Variants in MAPK9 observed in about 807,000 individuals in gnomAD.
The protein encoded by MAPK9 is mitogen-activated protein kinase 9, also known as Jun kinase.
In MAPK9, 30 loss-of-function variants were observed where a neutral mutation model predicts 57.1. The observed-to-expected ratio is 0.53, with a 90% CI of 0.39 to 0.71. The LOEUF is 0.71. Among genes scored for constraint, MAPK9 ranks in the 30% least tolerant of loss-of-function variants. The pLI is 0.00. For synonymous variants in MAPK9, 155 were observed against 177.0 expected, an observed-to-expected ratio of 0.88 and a Z score of 0.99; for missense variants, 362 against 521.0, an observed-to-expected ratio of 0.69 and a Z score of 2.97.
intron 7 of MAPK9, among the ~76,000 whole-genome samples, chr5:180,245,498 T>C (rs1395212342): frequency 1.3e-5 from 2 of 152,038 alleles, no homozygotes; most frequent in African/African-American, 2.4e-5. Context: ...ATTAAACCAG[T>C]TGTGAGAGGA....
intron 5 of MAPK9, among the ~76,000 whole-genome samples, chr5:180,260,197 T>TA (rs896792890): frequency 6.6e-6 from 1 of 152,200 alleles, no homozygotes; most frequent in African/African-American, 2.4e-5. Flanking sequence ...AACTCATTTC[T>TA]AAAAAACCCT....
chr5:180,288,622 C>G (rs560913421), intron 1 of MAPK9, among the ~76,000 whole-genome samples: 61 of 152,318 alleles, frequency 4.0e-4, no homozygotes, highest in African/African-American at 1.3e-3. Context: ...CCCAGATAAG[C>G]AGCAGACCCA....
intron 2 of MAPK9, among the ~76,000 whole-genome samples, chr5:180,275,108 C>T (rs1266173927): frequency 6.6e-6 from 1 of 152,118 alleles, no homozygotes; most frequent in Non-Finnish European, 1.5e-5. Flanking sequence ...ATGCCAATAT[C>T]TCCTATGGAT....
intron 5 of MAPK9, among the ~76,000 whole-genome samples, chr5:180,250,940 T>A (rs17683933): frequency 2.6e-5 from 4 of 152,108 alleles, no homozygotes; most frequent in Non-Finnish European, 4.4e-5. Context: ...GTCAGGGAGC[T>A]AAGACCAAAT....
chr5:180,246,472 A>C (rs1359400905), intron 7 of MAPK9: 1 of 152,228 alleles, frequency 6.6e-6, no homozygotes. Context: ...TTAAAATCTG[A>C]AATTATTTTC....
intron 1 of MAPK9, among the ~76,000 whole-genome samples, chr5:180,291,563 G>C (rs1421831854): frequency 1.3e-5 from 2 of 152,118 alleles, no homozygotes; most frequent in East Asian, 3.9e-4. Context: ...CGGCGCAGGA[G>C]TGCAGCTGTC....
At chr5:180,274,654 A>G (rs1255867687) in intron 2 of MAPK9, among the ~76,000 whole-genome samples, 1 of 152,234 alleles carries the variant, frequency 6.6e-6, no homozygotes, top group Non-Finnish European at 1.5e-5. Flanking sequence ...CTGTGAGCTG[A>G]GCCCAGCCCA....
chr5:180,270,301 C>T (rs1403246228), intron 2 of MAPK9, among the ~76,000 whole-genome samples: 1 of 152,096 alleles, frequency 6.6e-6, no homozygotes, highest in African/African-American at 2.4e-5. Flanking sequence ...AATGCTTTTG[C>T]CAAACTCGAA....
Position 180,247,339 on chromosome 5 carries a change from T to G in MAPK9, c.688+100A>C. On this transcript the variant is annotated intron_variant, in intron 7 of 11. Transcript: ENST00000452135. The surrounding 1 kb of genome is among the most constrained non-coding windows in gnomAD (Gnocchi z 4.5). ...CCCTTAGAACACAGTCTGGAGTGGA[T>G]TTTACGACTTTGTCCTCGTGAGCGC... 1.4e-6 allele frequency: 2 copies of G among 1,383,000 alleles called. No individual in the cohort carries two copies. The highest frequency in any genetic ancestry group is 1.2e-5 in the South Asian group (1 of 84,772). 85.7% of individuals were successfully genotyped at this position (1,383,000 alleles called of 1,614,324 possible). A position where few individuals can be genotyped will look rare whatever the true frequency, so the allele number is the denominator to read the frequency against.
At chr5:180,254,902 C>T (rs928404724) in intron 5 of MAPK9, among the ~76,000 whole-genome samples, 12 of 152,266 alleles carry the variant, frequency 7.9e-5, no homozygotes, top group East Asian at 1.9e-4. Context: ...GGCGTGGTGG[C>T]GGACGCCTGC....
chr5:180,255,431 C>G (rs764435855), intron 5 of MAPK9, among the ~76,000 whole-genome samples: 5 of 152,024 alleles, frequency 3.3e-5, no homozygotes, highest in Non-Finnish European at 7.4e-5. Flanking sequence ...AGGGCTGAGG[C>G]TTGGGAGAGG....
intron 5 of MAPK9, chr5:180,257,984 A>C (rs984115359): frequency 5.2e-5 from 8 of 153,606 alleles, no homozygotes; most frequent in African/African-American, 1.9e-4. Context: ...AAATGTAAAC[A>C]ATGTGAGAAA....
At position 180,269,413 on chromosome 5, in the gene MAPK9, G is replaced by C. The variant is rs763580553; in HGVS notation, c.123-4C>G. 5.6e-6 allele frequency: 9 copies of C among 1,613,260 alleles called. No homozygotes were observed. The highest frequency in any genetic ancestry group is 7.6e-6 in the Non-Finnish European group (9 of 1,179,446). ...AAGAACTGTATCAAATGCAGCACTA[G>C]AATTAGGAAATATAATGCACAATCC... On this transcript the variant is annotated splice_polypyrimidine_tract_variant and splice_region_variant and intron_variant, in intron 2 of 11. Coordinates refer to ENST00000452135, the MANE Select transcript of MAPK9 (RefSeq NM_002752.5).
intron 2 of MAPK9, 92 bp downstream of exon 2, chr5:180,280,348 T>A (rs958541204): frequency 3.4e-5 from 51 of 1,509,958 alleles, no homozygotes; most frequent in Middle Eastern, 1.8e-4. Flanking sequence ...GTTTTTTTTT[T>A]AATCATCAAT....
At chr5:180,267,121 G>A (rs1760644209) in intron 3 of MAPK9, among the ~76,000 whole-genome samples, 2 of 152,210 alleles carry the variant, frequency 1.3e-5, no homozygotes, top group South Asian at 4.1e-4. Context: ...ATGTACTTGT[G>A]CACATGTATG....
At chr5:180,265,214 CTT>C (rs1390773674) in intron 3 of MAPK9, among the ~76,000 whole-genome samples, 1 of 152,170 alleles carries the variant, frequency 6.6e-6, no homozygotes, top group African/African-American at 2.4e-5. Flanking sequence ...AGGCTAAGCT[CTT>C]GTTTTTGGTG....
At chr5:180,250,037 C>T (rs1176622894) in intron 5 of MAPK9, among the ~76,000 whole-genome samples, 3 of 152,252 alleles carry the variant, frequency 2.0e-5, no homozygotes, top group Admixed American at 6.5e-5. Context: ...TTCTCACCTT[C>T]GCCACAAAGA....
At position 180,234,037 on chromosome 5, in the gene MAPK9, G is replaced by C. The variant is rs929866122; in HGVS notation, c.*2347C>G. The C allele has an allele frequency of 7.9e-5, 12 of 152,320 alleles. No individual in the cohort carries two copies. Among genetic ancestry groups the C allele is most frequent in the Non-Finnish European group, 1.8e-4 (12 of 68,038 alleles). The allele number at this position is 152,320 out of a possible 1,614,324, so 9.4% of individuals were successfully genotyped here. A position where few individuals can be genotyped will look rare whatever the true frequency, so the allele number is the denominator to read the frequency against. On this transcript the variant is annotated 3_prime_UTR_variant, in exon 12 of 12. Transcript: ENST00000452135. The stretch of plus-strand genomic sequence containing the variant: ...CCCTTGAAACTGAGACCTGGACATG[G>C]GGGAGACAGTCGTTTCCTTCTTGGC...
chr5:180,241,151 A>C lies in MAPK9; in HGVS notation c.876T>G (p.Ser292Arg). The C allele has an allele frequency of 6.2e-7, 1 of 1,612,508 alleles. No homozygotes were observed. Among genetic ancestry groups the C allele is most frequent in the Non-Finnish European group, 8.5e-7 (1 of 1,179,382 alleles). The change falls in exon 9 of 12, where the codon AGT (serine) becomes AGG (arginine). Residue 292 changes from serine (S) to arginine (R), a missense_variant. Ser to Arg is a moderately radical substitution (Grantham distance 110, BLOSUM62 -1). This residue lies in a region of MAPK9 where 199 missense variants were observed against 251.3 expected (regional missense o/e 0.79). Transcript: ENST00000452135. Reference protein sequence around the residue: ...SESERDKIKTSQARDLLSKML... With the variant: ...SESERDKIKTRQARDLLSKML... ...TTTTTGATAACAGATCTCTGGCTTG[A>C]CTTGCTAGGGTGACAACAAATATTA... is the stretch of plus-strand genomic sequence containing the variant.
Sources: allele counts gnomAD v4.1 joint callset (sites outside exome capture counted in the v4.1 genomes callset), GRCh38; gene constraint gnomAD v4.1.1; regional missense constraint gnomAD v4.1.1; non-coding constraint Gnocchi (gnomAD v3.1); transcripts MANE v1.5; gene names NCBI Gene and HGNC (gene_info 2026-07-23, HGNC 2026-07-21).